Variants in STPG2 observed in about 807,000 individuals in gnomAD.
The protein encoded by STPG2 is sperm tail PG-rich repeat containing 2.
STPG2 carries 56 observed loss-of-function variants against 54.2 expected under a neutral mutation model. The ratio of observed to expected loss-of-function variants is 1.03; its 90% CI spans 0.83 to 1.29. The LOEUF (loss-of-function observed/expected upper bound fraction) is 1.29, where lower values mean the gene tolerates loss of function less well. Among genes scored for constraint, STPG2 ranks in the 50% most tolerant of loss-of-function variants. The pLI, the probability that STPG2 is intolerant of heterozygous loss-of-function variation, is 0.00. For missense variants in STPG2, 596 were observed against 544.9 expected, an observed-to-expected ratio of 1.09 and a Z score of -0.93; for synonymous variants, 200 against 181.8, an observed-to-expected ratio of 1.10 and a Z score of -0.81.
intron 5 of STPG2, among the ~76,000 whole-genome samples, chr4:98,019,474 G>C (rs1050134108): frequency 1.3e-5 from 2 of 151,862 alleles, no homozygotes; most frequent in African/African-American, 2.4e-5. Context: ...TTATTCTTTT[G>C]GCTTAGGATT....
At chr4:97,737,311 C>T (rs1226656351) in intron 9 of STPG2, among the ~76,000 whole-genome samples, 1 of 152,178 alleles carries the variant, frequency 6.6e-6, no homozygotes, top group African/African-American at 2.4e-5. Flanking sequence ...TGCCTATCCT[C>T]CTCCAAAGGA....
chr4:97,956,830 C>T (rs2149244674), intron 7 of STPG2, among the ~76,000 whole-genome samples: 1 of 152,268 alleles, frequency 6.6e-6, no homozygotes, highest in Non-Finnish European at 1.5e-5. Context: ...TTGAAAACAG[C>T]CTTGAGTCCT....
At position 97,901,379 on chromosome 4, in the gene STPG2, AAAG is replaced by A. The variant is rs1731170334; in HGVS notation, c.1044+42515_1044+42517del. Among the ~76,000 whole-genome samples, 8 of 152,128 alleles carry A rather than the reference AAAG, an allele frequency of 5.3e-5. No individual in the cohort carries two copies. The South Asian group carries it at 1.4e-3, about 28-fold the overall frequency. On this transcript the variant is annotated intron_variant, in intron 8 of 10. Transcript: ENST00000295268. ...AATAATAAAAGGCATCCAACTCAGAAAAGAAGAAGCAAAATTGTTTCTGTTTGA... is the reference window on the plus strand; with the variant it reads ...AATAATAAAAGGCATCCAACTCAGAAAAGAAGCAAAATTGTTTCTGTTTGA...
chr4:97,695,088 C>CAAA (rs34399400), intron 10 of STPG2, among the ~76,000 whole-genome samples: 9 of 138,478 alleles, frequency 6.5e-5, no homozygotes, highest in Admixed American at 5.0e-4. Flanking sequence ...AAAAATCCTC[C>CAAA]AAAAAAAAAA....
chr4:97,874,656 G>A (rs144194237), intron 8 of STPG2, among the ~76,000 whole-genome samples: 1 of 151,790 alleles, frequency 6.6e-6, no homozygotes, highest in East Asian at 1.9e-4. Context: ...TCAGCATTAT[G>A]ATGCTGAAAT....
chr4:97,935,929 T>C (rs1245661386), intron 8 of STPG2, among the ~76,000 whole-genome samples: 1 of 152,154 alleles, frequency 6.6e-6, no homozygotes, highest in South Asian at 2.1e-4. Flanking sequence ...GTCCTGACTA[T>C]CCTTGTTAAT....
chr4:97,646,727 G>C (rs1721922923), intron 10 of STPG2, among the ~76,000 whole-genome samples: 1 of 151,836 alleles, frequency 6.6e-6, no homozygotes, highest in Non-Finnish European at 1.5e-5. Context: ...TGCTTAGTAA[G>C]TGATATACAT....
intron 7 of STPG2, among the ~76,000 whole-genome samples, chr4:97,951,960 CA>C (rs1733489136): frequency 6.6e-6 from 1 of 152,068 alleles, no homozygotes; most frequent in South Asian, 2.1e-4. Flanking sequence ...GAGGTCTTAT[CA>C]GGGGAAAGGG....
chr4:98,133,586 GATTT>G (rs1474323479), intron 2 of STPG2, among the ~76,000 whole-genome samples: 2 of 151,868 alleles, frequency 1.3e-5, no homozygotes, highest in Admixed American at 1.3e-4. Context: ...TAACTTTAAT[GATTT>G]ATTTTACAAA....
intron 8 of STPG2, among the ~76,000 whole-genome samples, chr4:97,916,169 C>T (rs1358603510): frequency 1.3e-5 from 2 of 152,058 alleles, no homozygotes; most frequent in African/African-American, 2.4e-5. Flanking sequence ...GGACAATAAG[C>T]TATATTATCA....
chr4:97,938,365 C>G (rs1732836341), intron 8 of STPG2, among the ~76,000 whole-genome samples: 1 of 152,104 alleles, frequency 6.6e-6, no homozygotes, highest in African/African-American at 2.4e-5. Flanking sequence ...GGAAGCTGAG[C>G]TGTCTTAGGC....
At chr4:97,904,541 G>C (rs1275890779) in intron 8 of STPG2, among the ~76,000 whole-genome samples, 4 of 152,230 alleles carry the variant, frequency 2.6e-5, no homozygotes, top group African/African-American at 9.7e-5. Flanking sequence ...CTAAAAAGCA[G>C]TTTCCTGCCT....
At chr4:98,116,262 A>G (rs1739524299) in intron 3 of STPG2, among the ~76,000 whole-genome samples, 1 of 151,740 alleles carries the variant, frequency 6.6e-6, no homozygotes, top group Non-Finnish European at 1.5e-5. Flanking sequence ...CAAAAAAAAA[A>G]TAGCTTAAAG....
intron 10 of STPG2, among the ~76,000 whole-genome samples, chr4:97,565,262 C>T (rs898242774): frequency 1.3e-5 from 2 of 152,200 alleles, no homozygotes; most frequent in South Asian, 2.1e-4. Flanking sequence ...ACGCAGTTCT[C>T]GAGCCTTGGC....
At chr4:97,644,764 A>G (rs1721863737) in intron 10 of STPG2, among the ~76,000 whole-genome samples, 1 of 152,044 alleles carries the variant, frequency 6.6e-6, no homozygotes, top group South Asian at 2.1e-4. Flanking sequence ...ACCAGAGCAT[A>G]ATTAACAGAC....
At chr4:98,122,319 T>C (rs1296983341) in intron 3 of STPG2, among the ~76,000 whole-genome samples, 2 of 152,218 alleles carry the variant, frequency 1.3e-5, no homozygotes, top group Admixed American at 6.5e-5. Flanking sequence ...CCATTTAGTA[T>C]ATCGGCTGTG....
chr4:97,722,839 C>T (rs1259770461), intron 9 of STPG2, among the ~76,000 whole-genome samples: 3 of 149,442 alleles, frequency 2.0e-5, no homozygotes, highest in Admixed American at 1.3e-4. Flanking sequence ...GCTCTGTCGC[C>T]CCGGCTGGAG....
intron 8 of STPG2, among the ~76,000 whole-genome samples, chr4:97,842,483 C>T (rs554290087): frequency 2.6e-5 from 4 of 151,790 alleles, no homozygotes; most frequent in Non-Finnish European, 4.4e-5. Context: ...GAAAGCTTTG[C>T]GAAGATCTTG....
intron 7 of STPG2, among the ~76,000 whole-genome samples, chr4:97,953,786 T>C (rs919200071): frequency 2.0e-5 from 3 of 152,228 alleles, no homozygotes; most frequent in Non-Finnish European, 2.9e-5. Flanking sequence ...GTTTTTCACA[T>C]GGCTCACAGT....
Sources: allele counts gnomAD v4.1 joint callset (sites outside exome capture counted in the v4.1 genomes callset), GRCh38; gene constraint gnomAD v4.1.1; transcripts MANE v1.5; gene names NCBI Gene and HGNC (gene_info 2026-07-23, HGNC 2026-07-21).